SLC38A9: variants seen among roughly 807,000 people sequenced by gnomAD.
SLC38A9 encodes the protein solute carrier family 38 member 9, also known as neutral amino acid transporter 9.
A neutral mutation model predicts 62.3 loss-of-function variants in SLC38A9; 48 were observed. That is an observed-to-expected ratio of 0.77 (90% CI 0.61 to 0.98). SLC38A9 has a LOEUF of 0.98. Ranked by LOEUF, SLC38A9 falls within the 50% of genes least tolerant of loss-of-function variation. The pLI, the probability that SLC38A9 is intolerant of heterozygous loss-of-function variation, is 0.00. For missense variants in SLC38A9, 541 were observed against 679.8 expected, an observed-to-expected ratio of 0.80 and a Z score of 2.27; for synonymous variants, 204 against 227.7, an observed-to-expected ratio of 0.90 and a Z score of 0.94.
At chr5:55,677,926 T>TTTTGTG (rs1554062823) in intron 3 of SLC38A9, among the ~76,000 whole-genome samples, 2 of 112,144 alleles carry the variant, frequency 1.8e-5, no homozygotes, top group East Asian at 2.8e-4. Context: ...TTTTTCTTTA[T>TTTTGTG]TGTGTGTGTG....
chr5:55,687,346 G>A (rs1283623925), intron 3 of SLC38A9, among the ~76,000 whole-genome samples: 21 of 142,944 alleles, frequency 1.5e-4, no homozygotes, highest in African/African-American at 5.1e-4. Context: ...AGAATGGCGT[G>A]AACCCGGAAG....
In SLC38A9 at chr5:55,667,114, G is replaced by T. The variant is rs148176965; in HGVS notation, c.526+2114C>A. On this transcript the variant is annotated intron_variant, in intron 7 of 15. Transcript: ENST00000396865. ...GGAGGCTGAGGCATGAGAATTGCTT[G>T]AACCTGGGAGGAGGAGGTTGCATTG... Among the ~76,000 whole-genome samples the T allele has an allele frequency of 6.8e-3, 1,037 of 152,340 alleles. 12 individuals carry two copies. The highest frequency in any genetic ancestry group is 0.024 in the African/African-American group (999 of 41,586).
Position 55,697,895 on chromosome 5 carries a change from G to T in SLC38A9, c.64C>A (p.Pro22Thr). The stretch of plus-strand genomic sequence containing the variant: ...TCAAACTGGATATTCATAGGTCCAG[G>T]ATCTCTTTCATGATCTACCTCAGAG... ...GTSEVDHERD[P>T]GPMNIQFEPS... is the part of the protein sequence containing the mutation. The change falls in exon 3 of 16, where the codon CCT becomes ACT. Residue 22 changes from proline to threonine, a missense_variant. Physicochemically the swap from Pro to Thr is conservative, Grantham distance 38 (BLOSUM62 -1). Coordinates refer to ENST00000396865, the MANE Select transcript of SLC38A9 (RefSeq NM_173514.4). 1 of 1,599,606 alleles carries T rather than the reference G, an allele frequency of 6.3e-7. No individual in the cohort carries two copies. The highest frequency in any genetic ancestry group is 8.5e-7 in the Non-Finnish European group (1 of 1,175,786).
Position 55,626,326 on chromosome 5 carries a change from C to T in SLC38A9, c.*168G>A, listed in dbSNP as rs1742401437. ...ATCATTCTTTTTGCCCCTTTCCCCA[C>T]CCCAATAAAAAAATACTCATTAAGG... On this transcript the variant is annotated 3_prime_UTR_variant, in exon 16 of 16. Transcript: ENST00000396865. 1 of 576,552 alleles carries T rather than the reference C, an allele frequency of 1.7e-6. No individual in the cohort carries two copies. The highest frequency in any genetic ancestry group is 3.1e-5 in the Admixed American group (1 of 31,772). The allele number at this position is 576,552 out of a possible 1,614,324, so 35.7% of individuals were successfully genotyped here.
intron 8 of SLC38A9, chr5:55,657,989 T>C (rs1459514862): frequency 6.6e-6 from 1 of 152,174 alleles, no homozygotes; most frequent in East Asian, 1.9e-4. Flanking sequence ...AGTAAAATCT[T>C]GACACGAAGT....
intron 8 of SLC38A9, among the ~76,000 whole-genome samples, chr5:55,663,223 G>C (rs981658034): frequency 7.1e-6 from 1 of 141,008 alleles, no homozygotes; most frequent in African/African-American, 2.6e-5. Context: ...CTCTTAGCAA[G>C]CTGAGGTGGG....
chr5:55,692,980 A>T (rs569614659), intron 3 of SLC38A9: 1 of 983,116 alleles, frequency 1.0e-6, no homozygotes, highest in South Asian at 4.7e-5. Flanking sequence ...TTTAAGAAAG[A>T]CTAAAAACTT....
chr5:55,632,045 T>A (rs1482777662), intron 14 of SLC38A9, among the ~76,000 whole-genome samples: 1 of 152,048 alleles, frequency 6.6e-6, no homozygotes, highest in African/African-American at 2.4e-5. Context: ...TAATAAGAGG[T>A]TAACAATTAT....
intron 14 of SLC38A9, among the ~76,000 whole-genome samples, chr5:55,630,926 G>A (rs1743325829): frequency 1.3e-5 from 2 of 152,160 alleles, no homozygotes; most frequent in Admixed American, 6.5e-5. Context: ...GAGGTCAGGA[G>A]TTCAAGACCA....
At chr5:55,647,875 CAG>C (rs1460302386) in intron 11 of SLC38A9, among the ~76,000 whole-genome samples, 1 of 152,200 alleles carries the variant, frequency 6.6e-6, no homozygotes, top group Non-Finnish European at 1.5e-5. Context: ...AGCATATTCA[CAG>C]AGTTGTACAA....
intron 3 of SLC38A9, among the ~76,000 whole-genome samples, 198 bp downstream of exon 3, chr5:55,697,648 T>G (rs1445769755): frequency 8.9e-6 from 1 of 112,570 alleles, no homozygotes; most frequent in African/African-American, 3.4e-5. Flanking sequence ...AGATGTTGAG[T>G]TTAGTGAAAA....
At chr5:55,693,821 G>C (rs971806172) in intron 3 of SLC38A9, among the ~76,000 whole-genome samples, 19 of 152,238 alleles carry the variant, frequency 1.2e-4, no homozygotes, top group Non-Finnish European at 2.4e-4. Flanking sequence ...AACACTTTGG[G>C]AGGGCAAGGT....
rs758245774 is a variant in SLC38A9 at position 55,635,533 on chromosome 5, C to T, written c.1281+11G>A. 9.5e-6 allele frequency: 15 copies of T among 1,573,248 alleles called. No individual in the cohort carries two copies. The highest frequency in any genetic ancestry group is 2.2e-5 in the South Asian group (2 of 90,158). ...TACACAATCACACAGAGAGGGTACA[C>T]GGTGCCTTACCTGCTCAATACAATC... On this transcript the variant is annotated intron_variant, in intron 13 of 15. Transcript: ENST00000396865.
intron 12 of SLC38A9, among the ~76,000 whole-genome samples, chr5:55,645,003 CG>C (rs1294700294): frequency 6.6e-6 from 1 of 151,984 alleles, no homozygotes; most frequent in African/African-American, 2.4e-5. Flanking sequence ...TTACTGAGAA[CG>C]GTGATTTCCA....
chr5:55,681,234 A>C (rs925691543), intron 3 of SLC38A9, among the ~76,000 whole-genome samples: 15 of 152,234 alleles, frequency 9.9e-5, no homozygotes, highest in African/African-American at 3.6e-4. Flanking sequence ...AATTATGCAG[A>C]AAGCTGCTAA....
chr5:55,676,531 C>T (rs13183907), intron 3 of SLC38A9, among the ~76,000 whole-genome samples: 91,002 of 151,914 alleles, frequency 0.6, 27,841 homozygotes, highest in South Asian at 0.7. Context: ...ATGTGATATA[C>T]CAAAGATAAG....
chr5:55,705,747 A>G (rs942564290), intron 2 of SLC38A9, among the ~76,000 whole-genome samples: 12 of 149,810 alleles, frequency 8.0e-5, no homozygotes, highest in African/African-American at 3.0e-4. Context: ...TCGCTCTGTC[A>G]CCCAGGCTGG....
chr5:55,650,011 T>C (rs1747104464), intron 10 of SLC38A9, among the ~76,000 whole-genome samples: 2 of 152,132 alleles, frequency 1.3e-5, no homozygotes, highest in East Asian at 1.9e-4. Flanking sequence ...ATTCTTTGAA[T>C]TGGAAGTGTT....
At chr5:55,695,029 A>T (rs1267663198) in intron 3 of SLC38A9, among the ~76,000 whole-genome samples, 3 of 152,192 alleles carry the variant, frequency 2.0e-5, no homozygotes, top group African/African-American at 7.2e-5. Context: ...TTGGGATTAC[A>T]GGCATGAGCC....
Sources: gnomAD v4.1 joint callset for allele counts (sites outside exome capture counted in the v4.1 genomes callset) on GRCh38, gnomAD v4.1.1 for gene constraint, MANE v1.5 for transcripts, NCBI Gene and HGNC (gene_info 2026-07-23, HGNC 2026-07-21) for gene names.